The following ROR1 variants were observed in gnomAD, a reference collection of about 807,000 sequenced individuals.
The protein encoded by ROR1 is inactive tyrosine-protein kinase transmembrane receptor ROR1.
ROR1 carries 19 observed loss-of-function variants against 78.8 expected under a neutral mutation model. The ratio of observed to expected loss-of-function variants is 0.24; its 90% CI spans 0.17 to 0.35. The LOEUF is 0.35. ROR1 is among the 10% of genes least tolerant of loss of function. The pLI is 1.00. For synonymous variants in ROR1, 386 were observed against 433.6 expected (o/e 0.89, Z 1.36); for missense variants, 917 against 1,177.8 (o/e 0.78, Z 3.24).
chr1:64,074,471 A>T (rs1487314207), intron 4 of ROR1, among the ~76,000 whole-genome samples: 1 of 152,178 alleles, frequency 6.6e-6, no homozygotes, highest in Non-Finnish European at 1.5e-5. Context: ...ATCTTAAAGG[A>T]TGGAGAGGAT....
intron 8 of ROR1, among the ~76,000 whole-genome samples, chr1:64,175,770 A>C (rs577676914): frequency 6.6e-6 from 1 of 152,222 alleles, no homozygotes; most frequent in Non-Finnish European, 1.5e-5. Flanking sequence ...GCCCTGGAAA[A>C]TATCAGCCTA....
chr1:64,074,277 C>A (rs1365717838), intron 4 of ROR1, among the ~76,000 whole-genome samples: 4 of 152,116 alleles, frequency 2.6e-5, no homozygotes, highest in African/African-American at 9.7e-5. Flanking sequence ...CCTATAAACA[C>A]CTTTACCCCT....
intron 7 of ROR1, chr1:64,143,245 C>T (rs1569848465): frequency 1.3e-5 from 13 of 988,182 alleles, no homozygotes; most frequent in South Asian, 4.6e-5. Context: ...ATGGGCCAAG[C>T]ATGGTGGCTT....
intron 2 of ROR1, among the ~76,000 whole-genome samples, chr1:64,041,263 AAT>A (rs1646743868): frequency 6.6e-6 from 1 of 152,146 alleles, no homozygotes; most frequent in Admixed American, 6.6e-5. Flanking sequence ...ATCAGTGCCT[AAT>A]ATATGTTTTT....
intron 1 of ROR1, among the ~76,000 whole-genome samples, chr1:63,808,235 C>T (rs907076753): frequency 6.6e-6 from 1 of 152,078 alleles, no homozygotes; most frequent in Non-Finnish European, 1.5e-5. Context: ...AAAAGGAAAG[C>T]AGTGGGCCAT....
At chr1:63,981,324 T>C (rs1031189841) in intron 1 of ROR1, among the ~76,000 whole-genome samples, 2 of 152,108 alleles carry the variant, frequency 1.3e-5, no homozygotes, top group African/African-American at 4.8e-5. Flanking sequence ...GTCCTCACAG[T>C]GGTTCCATCC....
intron 8 of ROR1, among the ~76,000 whole-genome samples, chr1:64,165,821 C>T (rs1650071403): frequency 6.6e-6 from 1 of 150,444 alleles, no homozygotes; most frequent in South Asian, 2.1e-4. Context: ...TATCATGCCT[C>T]AGCCTCCTGA....
At chr1:63,906,032 T>A (rs1250901399) in intron 1 of ROR1, among the ~76,000 whole-genome samples, 1 of 152,228 alleles carries the variant, frequency 6.6e-6, no homozygotes, top group East Asian at 1.9e-4. Context: ...GTAATCTGGA[T>A]TCTTGTTATT....
At chr1:63,782,795 G>A (rs1408021331) in intron 1 of ROR1, among the ~76,000 whole-genome samples, 2 of 152,150 alleles carry the variant, frequency 1.3e-5, no homozygotes, top group Admixed American at 1.3e-4. Context: ...GAATCTAGAA[G>A]AATGAAGGGT....
At chr1:64,059,186 CT>C (rs922322788) in intron 4 of ROR1, among the ~76,000 whole-genome samples, 62 of 150,770 alleles carry the variant, frequency 4.1e-4, no homozygotes, top group African/African-American at 1.3e-3. Context: ...TAATTTGTGT[CT>C]TTTTTTTTCC....
chr1:63,862,329 G>A (rs1169872552), intron 1 of ROR1, among the ~76,000 whole-genome samples: 1 of 145,118 alleles, frequency 6.9e-6, no homozygotes. Context: ...AGGAGGCAGA[G>A]GTTGCAGTGA....
intron 1 of ROR1, among the ~76,000 whole-genome samples, chr1:63,908,925 T>A (rs1277338820): frequency 1.3e-5 from 2 of 152,154 alleles, no homozygotes; most frequent in African/African-American, 4.8e-5. Flanking sequence ...GTGGCCTCCA[T>A]AGCTACTGAT....
rs1297582951 is a variant in ROR1, at chr1:64,109,076, C to T, written c.483-28293C>T. Among the ~76,000 whole-genome samples the T allele has an allele frequency of 3.3e-5, 5 of 152,198 alleles. No individual in the cohort carries two copies. In the East Asian group the frequency reaches 9.7e-4, roughly 30 times the overall value. The stretch of plus-strand genomic sequence containing the variant: ...TCCACAGGTACTTCTGATACAAACC[C>T]CCGGCTTAGATCTCTGGGGGTGGTT... On this transcript the variant is annotated intron_variant, in intron 4 of 8. Coordinates refer to ENST00000371079, the MANE Select transcript of ROR1 (RefSeq NM_005012.4).
At position 63,974,529 on chromosome 1, in the gene ROR1, G is replaced by A. The variant is rs563126671; in HGVS notation, c.92-34776G>A. On this transcript the variant is annotated intron_variant, in intron 1 of 8. Transcript: ENST00000371079. Reference sequence around the variant, plus strand: ...GCAATCTCAGCTCAATGCAACCTTCGCTTCCCAGGTTCAAGCAATTCTTCT... The same window carrying A: ...GCAATCTCAGCTCAATGCAACCTTCACTTCCCAGGTTCAAGCAATTCTTCT... Among the ~76,000 whole-genome samples the A allele has an allele frequency of 1.1e-4, 16 of 152,100 alleles. No individual in the cohort carries two copies. In the South Asian group the frequency reaches 2.9e-3, roughly 28 times the overall value.
chr1:64,107,855 A>G (rs1484944002), intron 4 of ROR1, among the ~76,000 whole-genome samples: 1 of 152,194 alleles, frequency 6.6e-6, no homozygotes, highest in Non-Finnish European at 1.5e-5. Context: ...GGGTAGAATA[A>G]GAGCATATTT....
In ROR1 at chr1:64,177,415, C is replaced by G. The variant is rs1373144719; in HGVS notation, c.1387-13C>G. ...ATATGTTTTAAACCACGTTTTTCCTCTCTTTCATACAGAGCAAGGCTAAAG... is the reference window on the plus strand; with the variant it reads ...ATATGTTTTAAACCACGTTTTTCCTGTCTTTCATACAGAGCAAGGCTAAAG... On this transcript the variant is annotated splice_polypyrimidine_tract_variant and intron_variant, in intron 8 of 8. Coordinates refer to ENST00000371079, the MANE Select transcript of ROR1 (RefSeq NM_005012.4). 11 of 1,580,336 alleles carry G rather than the reference C, an allele frequency of 7.0e-6. No individual in the cohort carries two copies. The highest frequency in any genetic ancestry group is 9.4e-6 in the Non-Finnish European group (11 of 1,164,142).
intron 1 of ROR1, chr1:63,789,216 T>C (rs1033565463): frequency 2.2e-5 from 13 of 595,596 alleles, no homozygotes; most frequent in African/African-American, 1.7e-4. Flanking sequence ...GGAGATTTCA[T>C]TGGTTTCATT....
intron 1 of ROR1, among the ~76,000 whole-genome samples, chr1:63,885,309 G>A (rs927544448): frequency 2.0e-5 from 3 of 152,142 alleles, no homozygotes; most frequent in South Asian, 2.1e-4. Flanking sequence ...GGGAATGGAC[G>A]GGTACAGTCT....
At chr1:64,145,508 G>A (rs1180686528) in intron 7 of ROR1, among the ~76,000 whole-genome samples, 2 of 152,160 alleles carry the variant, frequency 1.3e-5, no homozygotes, top group African/African-American at 4.8e-5. Flanking sequence ...CCTTTGTGTT[G>A]CCGGGTTTCA....
Sources: gnomAD v4.1 joint callset for allele counts (sites outside exome capture counted in the v4.1 genomes callset) on GRCh38, gnomAD v4.1.1 for gene constraint, MANE v1.5 for transcripts, NCBI Gene and HGNC (gene_info 2026-07-23, HGNC 2026-07-21) for gene names.